Variants in GRK4 observed in about 807,000 individuals in gnomAD.
GRK4 encodes G protein-coupled receptor kinase 2-like.
Under a neutral mutation model 77.9 loss-of-function variants are expected in GRK4, and 73 were observed. The observed-to-expected ratio is 0.94, with a 90% confidence interval of 0.78 to 1.14. The LOEUF is 1.14. GRK4 is among the 50% of genes most tolerant of loss of function. GRK4 has a pLI of 0.00. For synonymous variants in GRK4, 257 were observed against 254.4 expected, an observed-to-expected ratio of 1.01 and a Z score of -0.10; for missense variants, 729 against 700.2, an observed-to-expected ratio of 1.04 and a Z score of -0.46.
At chr4:3,012,485 T>C (rs2109904249) in intron 7 of GRK4, among the ~76,000 whole-genome samples, 1 of 152,358 alleles carries the variant, frequency 6.6e-6, no homozygotes, top group African/African-American at 2.4e-5. Flanking sequence ...TCACTGTCCT[T>C]ATTACTTCCA....
chr4:2,982,851 A>C (rs1024819278), intron 1 of GRK4, among the ~76,000 whole-genome samples: 4 of 152,236 alleles, frequency 2.6e-5, no homozygotes, highest in African/African-American at 4.8e-5. Flanking sequence ...GACATAGGAC[A>C]TGGCTGTCAC....
chr4:2,976,971 G>T, intron 1 of GRK4, among the ~76,000 whole-genome samples: 1 of 152,164 alleles, frequency 6.6e-6, no homozygotes, highest in Admixed American at 6.5e-5. Flanking sequence ...CTACTCCCCA[G>T]ATTAGTTGGG....
intron 8 of GRK4, 128 bp downstream of exon 8, chr4:3,013,956 G>A: frequency 9.9e-7 from 1 of 1,008,632 alleles, no homozygotes; most frequent in Non-Finnish European, 1.4e-6. Context: ...GTTTATGTGG[G>A]GGTTTGCTCT....
At chr4:3,028,460 GCGTCTTGTGGGGTT>G (rs1383726426) in intron 11 of GRK4, among the ~76,000 whole-genome samples, 1 of 152,162 alleles carries the variant, frequency 6.6e-6, no homozygotes, top group Non-Finnish European at 1.5e-5. Flanking sequence ...TTCCGCTCTT[GCGTCTTGTGGGGTT>G]TTTCACTGCC....
chr4:3,024,931 T>A (rs956458521), intron 10 of GRK4, among the ~76,000 whole-genome samples: 1 of 152,088 alleles, frequency 6.6e-6, no homozygotes, highest in African/African-American at 2.4e-5. Context: ...TTTTAGTCAT[T>A]AGCAAAAGTT....
intron 8 of GRK4, among the ~76,000 whole-genome samples, chr4:3,019,139 G>A (rs189193215): frequency 6.6e-6 from 1 of 152,048 alleles, no homozygotes; most frequent in Non-Finnish European, 1.5e-5. Context: ...TTATATGAAA[G>A]GGTCCCCTAT....
At chr4:3,019,871 A>T in intron 9 of GRK4, 40 bp downstream of exon 9, 1 of 1,566,338 alleles carries the variant, frequency 6.4e-7, no homozygotes, top group Non-Finnish European at 8.7e-7. Flanking sequence ...CAAGTCTTGG[A>T]GCCGGTTTCT....
At chr4:2,972,885 C>T (rs1024194718) in intron 1 of GRK4, among the ~76,000 whole-genome samples, 1 of 152,172 alleles carries the variant, frequency 6.6e-6, no homozygotes, top group Non-Finnish European at 1.5e-5. Flanking sequence ...CAGGTGTACA[C>T]TGCCATCCCC....
chr4:2,985,299 G>T (rs1036726951), intron 2 of GRK4, among the ~76,000 whole-genome samples: 6 of 151,812 alleles, frequency 4.0e-5, no homozygotes, highest in Non-Finnish European at 8.8e-5. Flanking sequence ...TGCTTGGGAG[G>T]CTGAGGCAGG....
Position 2,968,827 on chromosome 4 carries a change from G to A in GRK4, c.52+4705G>A, listed in dbSNP as rs113054773. Among the ~76,000 whole-genome samples the A allele has an allele frequency of 6.1e-4, 93 of 152,300 alleles. 1 individual carries two copies. The highest frequency in any genetic ancestry group is 2.0e-3 in the African/African-American group (82 of 41,562). On this transcript the variant is annotated intron_variant, in intron 1 of 15. Transcript: ENST00000398052. ...TAATCAGGTCTCCACGGTCACTCCT[G>A]TGACAGAGCAGGTATCTTTTTATTT... is the stretch of plus-strand genomic sequence containing the variant.
rs1560376689 is a variant in GRK4, at chr4:2,984,613, GTAAA to G, written c.148+8_148+11del. On this transcript the variant is annotated splice_donor_region_variant and intron_variant, in intron 2 of 15. Coordinates refer to ENST00000398052, the MANE Select transcript of GRK4 (RefSeq NM_182982.3). The stretch of plus-strand genomic sequence containing the variant: ...GTGAGCTTAGACATTCCATTGGTGA[GTAAA>G]TAGTGCCTACTAATGCTTGGATGGT... The G allele has an allele frequency of 1.3e-6, 2 of 1,529,920 alleles. No individual in the cohort carries two copies. Among genetic ancestry groups the G allele is most frequent in the Admixed American group, 1.7e-5 (1 of 57,744 alleles). The allele number at this position is 1,529,920 out of a possible 1,614,324, so 94.8% of individuals were successfully genotyped here.
At chr4:3,002,702 C>CA (rs1489410953) in intron 4 of GRK4, among the ~76,000 whole-genome samples, 7 of 152,038 alleles carry the variant, frequency 4.6e-5, no homozygotes, top group Admixed American at 4.6e-4. Flanking sequence ...GACTCCATCT[C>CA]AAAAAAACTA....
rs779456235 is a variant in GRK4, at chr4:3,019,747, G to A, written c.848G>A (p.Gly283Asp). 8.7e-6 allele frequency: 14 copies of A among 1,614,206 alleles called. No homozygotes were observed. The highest frequency in any genetic ancestry group is 1.2e-5 in the Non-Finnish European group (14 of 1,180,034). Residue 283 changes from glycine to aspartate, a missense_variant, in exon 9 of 16, where the codon GGC becomes GAC. Gly to Asp is a moderately conservative substitution (Grantham distance 94). Transcript: ENST00000398052. ...CACATTTACAACCTGGGCAATCCCG[G>A]CTTTGATGAGCAGAGAGCCGTTTTC... ...KFHIYNLGNP[G>D]FDEQRAVFYA... is the part of the protein sequence containing the mutation.
At chr4:2,974,856 A>T (rs1447504348) in intron 1 of GRK4, among the ~76,000 whole-genome samples, 2 of 152,212 alleles carry the variant, frequency 1.3e-5, no homozygotes, top group Non-Finnish European at 2.9e-5. Flanking sequence ...CAGAAGTACT[A>T]GCTGGGCAGC....
In GRK4 at chr4:2,973,271, C is replaced by T. The variant is rs1720115582; in HGVS notation, c.52+9149C>T. Among the ~76,000 whole-genome samples, 3 of 152,344 alleles carry T rather than the reference C, an allele frequency of 2.0e-5. No homozygotes were observed. In the South Asian group the frequency reaches 6.2e-4, roughly 32 times the overall value. On this transcript the variant is annotated intron_variant, in intron 1 of 15. Transcript: ENST00000398052. ...GCCTCAGATGGCTTGGCTGGTCCCC[C>T]CTTATCTTCTAGATCTTTTAATACC... is the stretch of plus-strand genomic sequence containing the variant.
chr4:3,006,748 G>A (rs1445511224), intron 5 of GRK4, among the ~76,000 whole-genome samples: 1 of 152,100 alleles, frequency 6.6e-6, no homozygotes, highest in Non-Finnish European at 1.5e-5. Flanking sequence ...CCTCCAGCCT[G>A]GGTGACAGAG....
At chr4:3,035,039 C>T (rs1021410488) in intron 12 of GRK4, among the ~76,000 whole-genome samples, 2 of 152,002 alleles carry the variant, frequency 1.3e-5, no homozygotes, top group East Asian at 1.9e-4. Context: ...GGGTGGATCA[C>T]GAGGTCAGGA....
At chr4:2,970,859 A>G (rs1211580687) in intron 1 of GRK4, 2 of 151,598 alleles carry the variant, frequency 1.3e-5, no homozygotes, top group African/African-American at 4.8e-5. Flanking sequence ...TTTAGTAGAG[A>G]TGGAGTTTCA....
At chr4:3,005,465 G>A (rs73792119) in intron 5 of GRK4, among the ~76,000 whole-genome samples, 1,558 of 152,110 alleles carry the variant, frequency 0.01, 29 homozygotes, top group African/African-American at 0.036. Flanking sequence ...AGCATAGTGG[G>A]GCTGGGGCTG....
Sources: allele counts gnomAD v4.1 joint callset (sites outside exome capture counted in the v4.1 genomes callset), GRCh38; gene constraint gnomAD v4.1.1; transcripts MANE v1.5; gene names NCBI Gene and HGNC (gene_info 2026-07-23, HGNC 2026-07-21).